Variants in GLT8D2 observed in about 807,000 individuals in gnomAD.
GLT8D2 encodes glycosyltransferase 8 domain containing 2, also known as glycosyltransferase 8 domain-containing protein 2.
Under a neutral mutation model 44.5 loss-of-function variants are expected in GLT8D2, and 45 were observed. The ratio of observed to expected loss-of-function variants is 1.01; its 90% CI spans 0.80 to 1.30. The LOEUF is 1.30. GLT8D2 is among the 50% of genes most tolerant of loss of function. GLT8D2 has a pLI of 0.00. For synonymous variants in GLT8D2, 156 were observed against 157.2 expected, an observed-to-expected ratio of 0.99 and a Z score of 0.06; for missense variants, 400 against 430.4, an observed-to-expected ratio of 0.93 and a Z score of 0.62.
chr12:104,009,767 T>C (rs1783625139), intron 4 of GLT8D2, among the ~76,000 whole-genome samples: 1 of 152,212 alleles, frequency 6.6e-6, no homozygotes, highest in Admixed American at 6.5e-5. Context: ...GTTTCTCCCA[T>C]ACTGTTCTCA....
intron 3 of GLT8D2, among the ~76,000 whole-genome samples, chr12:104,018,251 C>T (rs911004005): frequency 2.0e-5 from 3 of 152,174 alleles, no homozygotes; most frequent in African/African-American, 7.2e-5. Flanking sequence ...GGAATACAGG[C>T]ATGAGCCACC....
intron 1 of GLT8D2, among the ~76,000 whole-genome samples, chr12:104,057,049 G>T (rs1331377545): frequency 6.6e-6 from 1 of 152,202 alleles, no homozygotes; most frequent in African/African-American, 2.4e-5. Context: ...CCATGGGAAT[G>T]TTGACATTGC....
At chr12:104,015,312 C>T (rs767147682) in intron 3 of GLT8D2, among the ~76,000 whole-genome samples, 1 of 151,604 alleles carries the variant, frequency 6.6e-6, no homozygotes, top group Non-Finnish European at 1.5e-5. Context: ...CTTTGGGAGG[C>T]CAAGGCAGGT....
Position 103,999,448 on chromosome 12 carries a change from G to A in GLT8D2, c.351C>T (p.Val117=), listed in dbSNP as rs1236102512. 4 of 1,613,400 alleles carry A rather than the reference G, an allele frequency of 2.5e-6. No homozygotes were observed. In the African/African-American group the frequency reaches 5.3e-5, roughly 22 times the overall value. Residue 117 remains valine (V), a synonymous_variant, in exon 6 of 11, where the codon GTC becomes GTT. Transcript: ENST00000360814. ...AGTCTGGTCTGATCTTCCCTTTGAG[G>A]ACCATCGGGTTGAATTCCACGATTT... is the stretch of plus-strand genomic sequence containing the variant. The part of the protein sequence containing the change: ...NFKIVEFNPM[V]LKGKIRPDSS...
intron 3 of GLT8D2, 93 bp downstream of exon 3, chr12:104,019,537 A>C (rs1444393678): frequency 9.9e-7 from 1 of 1,005,308 alleles, no homozygotes; most frequent in Non-Finnish European, 1.5e-6. Flanking sequence ...ATCAAACACA[A>C]TCCAAGAAAG....
chr12:104,004,107 A>G (rs1434197393), intron 4 of GLT8D2, among the ~76,000 whole-genome samples: 1 of 152,230 alleles, frequency 6.6e-6, no homozygotes, highest in Non-Finnish European at 1.5e-5. Flanking sequence ...TCCAGCATAT[A>G]AATAGAACCA....
At chr12:104,033,788 A>G (rs192657731) in intron 1 of GLT8D2, among the ~76,000 whole-genome samples, 1,341 of 110,848 alleles carry the variant, frequency 0.012, 24 homozygotes, top group African/African-American at 0.045. Flanking sequence ...GTGTGTGTGT[A>G]TATATGTGTG....
At chr12:104,010,657 T>C (rs931292390) in intron 4 of GLT8D2, among the ~76,000 whole-genome samples, 3 of 152,324 alleles carry the variant, frequency 2.0e-5, no homozygotes, top group East Asian at 1.9e-4. Flanking sequence ...ACGATCTGAA[T>C]AGATGGGTGA....
chr12:104,060,056 A>G (rs2136557121), intron 1 of GLT8D2, among the ~76,000 whole-genome samples: 1 of 151,930 alleles, frequency 6.6e-6, no homozygotes, highest in African/African-American at 2.4e-5. Context: ...CTAACCTCCT[A>G]ATTTGCAAAT....
chr12:104,000,100 G>A (rs1426536923), intron 5 of GLT8D2, among the ~76,000 whole-genome samples: 2 of 151,840 alleles, frequency 1.3e-5, no homozygotes, highest in Non-Finnish European at 2.9e-5. Flanking sequence ...TCATAATGAG[G>A]TTCTTGGTAG....
At chr12:104,038,008 G>A (rs1037645208) in intron 1 of GLT8D2, among the ~76,000 whole-genome samples, 7 of 152,078 alleles carry the variant, frequency 4.6e-5, no homozygotes, top group East Asian at 1.9e-4. Flanking sequence ...ATCAATAAAC[G>A]TAATCCATCA....
upstream of GLT8D2, among the ~76,000 whole-genome samples, chr12:104,054,249 T>G (rs866151113): frequency 6.6e-5 from 10 of 152,162 alleles, no homozygotes; most frequent in Non-Finnish European, 1.0e-4. Context: ...ATTACAAATA[T>G]AAGTAAAATT....
chr12:104,016,721 A>G (rs1301212765), intron 3 of GLT8D2, among the ~76,000 whole-genome samples: 533 of 51,744 alleles, frequency 0.01, 2 homozygotes, highest in African/African-American at 0.01. Flanking sequence ...GAAAGAAAGA[A>G]AGAAAGAAAG....
upstream of GLT8D2, among the ~76,000 whole-genome samples, chr12:104,052,859 C>T (rs115101322): frequency 9.7e-3 from 1,477 of 152,224 alleles, 26 homozygotes; most frequent in African/African-American, 0.033. Context: ...TCCCGAGTAG[C>T]TGGGACTGTA....
rs147522655 is a variant in GLT8D2, at chr12:103,991,902, C to T, written c.880+1490G>A. Among the ~76,000 whole-genome samples the T allele has an allele frequency of 2.3e-4, 35 of 151,318 alleles. No individual in the cohort carries two copies. The Middle Eastern group carries it at 0.01, about 44-fold the overall frequency. ...TGTGAGAATTAGAAATAATATTCAC[C>T]TTCCTTAACAGAACCTAGTCCAGTT... is the stretch of plus-strand genomic sequence containing the variant. On this transcript the variant is annotated intron_variant, in intron 10 of 10. Coordinates refer to ENST00000360814, the MANE Select transcript of GLT8D2 (RefSeq NM_001384711.1).
At chr12:103,997,426 T>G (rs1873582796) in intron 7 of GLT8D2, 25 bp downstream of exon 7, 2 of 1,505,344 alleles carry the variant, frequency 1.3e-6, no homozygotes, top group Admixed American at 3.4e-5. Context: ...CTTTTCCAAG[T>G]GTTCTTGGCA....
upstream of GLT8D2, among the ~76,000 whole-genome samples, chr12:104,053,365 T>A (rs1263123535): frequency 6.6e-6 from 1 of 152,210 alleles, no homozygotes; most frequent in Non-Finnish European, 1.5e-5. Flanking sequence ...TGCACAGATT[T>A]TCCCTGGGGA....
chr12:104,062,225 C>T (rs1331884309), intron 1 of GLT8D2, among the ~76,000 whole-genome samples: 2 of 151,858 alleles, frequency 1.3e-5, no homozygotes, highest in Non-Finnish European at 2.9e-5. Context: ...AGGCATGCAC[C>T]ACCACGCCCG....
chr12:104,019,521 A>T, intron 3 of GLT8D2, 109 bp downstream of exon 3: 1 of 868,832 alleles, frequency 1.2e-6, no homozygotes, highest in African/African-American at 1.7e-5. Context: ...AAAACTATCC[A>T]TGAAAATCAA....
Sources: allele counts gnomAD v4.1 joint callset (sites outside exome capture counted in the v4.1 genomes callset), GRCh38; gene constraint gnomAD v4.1.1; transcripts MANE v1.5; gene names NCBI Gene and HGNC (gene_info 2026-07-23, HGNC 2026-07-21).